PGAP1: variants seen among roughly 807,000 people sequenced by gnomAD.
The protein encoded by PGAP1 is post-GPI attachment to proteins inositol deacylase 1.
In PGAP1, 76 loss-of-function variants were observed where a neutral mutation model predicts 127.0. The ratio of observed to expected loss-of-function variants is 0.60; its 90% CI spans 0.50 to 0.72. The LOEUF (loss-of-function observed/expected upper bound fraction) is 0.72. Ranked by LOEUF, PGAP1 falls within the 30% of genes least tolerant of loss-of-function variation. PGAP1 has a pLI of 0.00. For missense variants in PGAP1, 982 were observed against 1,071.3 expected (o/e 0.92, Z 1.16); for synonymous variants, 362 against 366.5 (o/e 0.99, Z 0.14).
intron 19 of PGAP1, among the ~76,000 whole-genome samples, chr2:196,865,855 G>A (rs1205673764): frequency 6.6e-6 from 1 of 151,926 alleles, no homozygotes; most frequent in Non-Finnish European, 1.5e-5. Context: ...GCCAAATCAC[G>A]AGTAACTCCC....
intron 10 of PGAP1, among the ~76,000 whole-genome samples, chr2:196,889,270 G>A (rs1423899843): frequency 6.6e-6 from 1 of 152,128 alleles, no homozygotes; most frequent in African/African-American, 2.4e-5. Flanking sequence ...TGCCCATCTA[G>A]ATTTTAGGCT....
At chr2:196,890,958 A>T in intron 9 of PGAP1, 47 bp from the exon 10 acceptor site, 1 of 946,824 alleles carries the variant, frequency 1.1e-6, no homozygotes, top group Non-Finnish European at 1.7e-6. Context: ...TGAGCAGATT[A>T]GTTTCATCAT....
At chr2:196,912,033 C>G (rs960400721) in intron 4 of PGAP1, among the ~76,000 whole-genome samples, 1 of 152,124 alleles carries the variant, frequency 6.6e-6, no homozygotes, top group African/African-American at 2.4e-5. Context: ...TGGGCAAGAA[C>G]GTTATCTTGG....
At position 196,897,181 on chromosome 2, in the gene PGAP1, A is replaced by G; in HGVS notation, c.877T>C (p.Leu293=). Residue 293 remains leucine, a synonymous_variant, in exon 7 of 27, where the codon TTG becomes CTG. Transcript: ENST00000354764. ...TCAAAGAATGCTCGAACTGTAGTCA[A>G]CTGCAATTGTTTACACCTAAGGAAT... ...LSIVWCKQLQ[L]TTVRAFFDLI... 1 of 1,582,546 alleles carries G rather than the reference A, an allele frequency of 6.3e-7. No homozygotes were observed. Among genetic ancestry groups the G allele is most frequent in the South Asian group, 1.2e-5 (1 of 85,632 alleles).
chr2:196,848,706 T>C (rs79078472), intron 20 of PGAP1, among the ~76,000 whole-genome samples: 6,291 of 152,298 alleles, frequency 0.041, 180 homozygotes, highest in Middle Eastern at 0.099. Flanking sequence ...CATTCATCAA[T>C]TGACAGACAT....
At chr2:196,913,140 A>C in intron 3 of PGAP1, 87 bp from the exon 4 acceptor site, 1 of 1,231,032 alleles carries the variant, frequency 8.1e-7, no homozygotes, top group Non-Finnish European at 1.1e-6. Context: ...GACCAATTTT[A>C]TAGGAAAAAG....
In PGAP1 at chr2:196,835,336, CCA is replaced by C. The variant is rs1700211102; in HGVS notation, c.*5896_*5897del. 6.6e-6 allele frequency: 1 copy of C among 151,810 alleles called. No individual in the cohort carries two copies. Among genetic ancestry groups the C allele is most frequent in the Non-Finnish European group, 1.5e-5 (1 of 67,774 alleles). 9.4% of individuals were successfully genotyped at this position (151,810 alleles called of 1,614,324 possible). A position where few individuals can be genotyped will look rare whatever the true frequency, so the allele number is the denominator to read the frequency against. ...AAATACATAAAAAACAAAAGAAATT[CCA>C]CAGTCACCTTTCAACTACATAAATG... On this transcript the variant is annotated 3_prime_UTR_variant, in exon 27 of 27. Transcript: ENST00000354764.
chr2:196,902,322 G>T (rs1702522890), intron 5 of PGAP1, among the ~76,000 whole-genome samples: 1 of 152,188 alleles, frequency 6.6e-6, no homozygotes, highest in Non-Finnish European at 1.5e-5. Flanking sequence ...ATAGGCATAA[G>T]CCATGGTTCC....
chr2:196,887,877 G>A (rs1701968565), intron 10 of PGAP1, among the ~76,000 whole-genome samples: 3 of 152,168 alleles, frequency 2.0e-5, no homozygotes, highest in South Asian at 2.1e-4. Context: ...CAAGACAACA[G>A]AACAGATCTG....
chr2:196,916,377 G>C (rs147910132), intron 3 of PGAP1, 41 bp downstream of exon 3: 14 of 1,472,728 alleles, frequency 9.5e-6, no homozygotes, highest in Admixed American at 6.6e-5. Context: ...AAAAGGTGCC[G>C]ATAGGTTGCA....
At chr2:196,884,992 T>C (rs1701851187) in intron 12 of PGAP1, among the ~76,000 whole-genome samples, 1 of 152,154 alleles carries the variant, frequency 6.6e-6, no homozygotes, top group Non-Finnish European at 1.5e-5. Flanking sequence ...GATAAACTAG[T>C]TATTTGAGTG....
intron 13 of PGAP1, among the ~76,000 whole-genome samples, chr2:196,879,586 T>G (rs1052211402): frequency 1.2e-4 from 18 of 152,100 alleles, no homozygotes; most frequent in Non-Finnish European, 1.6e-4. Flanking sequence ...TCCCAGCTAC[T>G]TGGGAGGCTG....
intron 18 of PGAP1, among the ~76,000 whole-genome samples, chr2:196,871,652 T>C (rs1441019410): frequency 6.6e-6 from 1 of 152,182 alleles, no homozygotes; most frequent in African/African-American, 2.4e-5. Flanking sequence ...CCATGAAATC[T>C]AAATTAATTC....
chr2:196,900,858 C>T (rs1038888126), intron 5 of PGAP1, among the ~76,000 whole-genome samples: 2 of 152,050 alleles, frequency 1.3e-5, no homozygotes, highest in African/African-American at 4.8e-5. Flanking sequence ...ACCAGAGAGG[C>T]AGAGCTTGCA....
intron 1 of PGAP1, among the ~76,000 whole-genome samples, chr2:196,925,691 G>GA (rs1703335350): frequency 6.6e-6 from 1 of 152,120 alleles, no homozygotes; most frequent in African/African-American, 2.4e-5. Context: ...CGAACCCAGC[G>GA]AGAAAACAAA....
intron 1 of PGAP1, 95 bp from the exon 2 acceptor site, chr2:196,920,245 G>A: frequency 9.3e-7 from 1 of 1,076,544 alleles, no homozygotes; most frequent in East Asian, 2.5e-5. Context: ...ATTTGAAATA[G>A]TGCAATATAA....
chr2:196,848,881 G>T (rs1425961727), intron 20 of PGAP1, among the ~76,000 whole-genome samples: 1 of 152,168 alleles, frequency 6.6e-6, no homozygotes, highest in Non-Finnish European at 1.5e-5. Context: ...GGAATTGTCA[G>T]ACTGTTTTTC....
intron 19 of PGAP1, among the ~76,000 whole-genome samples, chr2:196,869,910 T>C (rs1467091509): frequency 6.6e-6 from 1 of 152,212 alleles, no homozygotes; most frequent in Non-Finnish European, 1.5e-5. Context: ...AATTCTACTA[T>C]GCCTGCATTG....
chr2:196,890,932 C>A, intron 9 of PGAP1, 21 bp from the exon 10 acceptor site: 1 of 1,218,836 alleles, frequency 8.2e-7, no homozygotes, highest in Non-Finnish European at 1.2e-6. Flanking sequence ...AAGGAAAACA[C>A]TCAATATAGC....
Sources: allele counts gnomAD v4.1 joint callset (sites outside exome capture counted in the v4.1 genomes callset), GRCh38; gene constraint gnomAD v4.1.1; transcripts MANE v1.5; gene names NCBI Gene and HGNC (gene_info 2026-07-23, HGNC 2026-07-21).